The following MECOM variants were observed in gnomAD, a reference collection of about 807,000 sequenced individuals.
MECOM encodes the protein MDS1 and EVI1 complex locus.
A neutral mutation model predicts 116.3 loss-of-function variants in MECOM; 13 were observed. That is an observed-to-expected ratio of 0.11 (90% CI 0.07 to 0.18). MECOM has a LOEUF of 0.18. Among genes scored for constraint, MECOM ranks in the 10% least tolerant of loss-of-function variants. The pLI, the probability that MECOM is intolerant of heterozygous loss-of-function variation, is 1.00. For missense variants in MECOM, 1,299 were observed against 1,509.0 expected, an observed-to-expected ratio of 0.86 and a Z score of 2.31; for synonymous variants, 528 against 535.2, an observed-to-expected ratio of 0.99 and a Z score of 0.19.
chr3:169,313,782 G>A (rs1180468624), intron 2 of MECOM, among the ~76,000 whole-genome samples: 1 of 152,204 alleles, frequency 6.6e-6, no homozygotes, highest in Non-Finnish European at 1.5e-5. Context: ...CAGAGGAAGA[G>A]TAGGTGGAGA....
chr3:169,241,438 A>T (rs958164042), intron 2 of MECOM, among the ~76,000 whole-genome samples: 1 of 152,200 alleles, frequency 6.6e-6, no homozygotes, highest in African/African-American at 2.4e-5. Flanking sequence ...ATTTCACCTT[A>T]ACATACATCA....
chr3:169,129,393 T>C (rs1733948598), intron 4 of MECOM, among the ~76,000 whole-genome samples: 3 of 100,044 alleles, frequency 3.0e-5, no homozygotes, highest in Non-Finnish European at 6.1e-5. Flanking sequence ...CAGGGATATA[T>C]TCAGACTTGG....
chr3:169,600,746 A>G (rs1396159700), intron 1 of MECOM, among the ~76,000 whole-genome samples: 1 of 152,236 alleles, frequency 6.6e-6, no homozygotes, highest in African/African-American at 2.4e-5. Flanking sequence ...TCCTTTAAAA[A>G]GTATGGCCAC....
rs375293876 is a variant in MECOM at position 169,473,995 on chromosome 3, A to G, written c.38-92471T>C. Among the ~76,000 whole-genome samples the G allele has an allele frequency of 1.4e-4, 22 of 152,278 alleles. No individual in the cohort carries two copies. The South Asian group carries it at 4.6e-3, about 32-fold the overall frequency. On this transcript the variant is annotated intron_variant, in intron 1 of 16. Coordinates refer to ENST00000651503, the MANE Select transcript of MECOM (RefSeq NM_004991.4). ...TTTCCTCCCTTTTCCTATGAGCACG[A>G]CTCAACAGGACAGATTGGGTCAGTA... is the stretch of plus-strand genomic sequence containing the variant.
intron 2 of MECOM, among the ~76,000 whole-genome samples, chr3:169,329,898 C>A (rs1440372589): frequency 6.6e-6 from 1 of 152,196 alleles, no homozygotes; most frequent in Non-Finnish European, 1.5e-5. Flanking sequence ...GAGAAGTAAG[C>A]AGATTACCAT....
chr3:169,341,165 T>G (rs1366290875), intron 2 of MECOM, among the ~76,000 whole-genome samples: 1 of 152,174 alleles, frequency 6.6e-6, no homozygotes, highest in Admixed American at 6.5e-5. Context: ...TACCAATTTG[T>G]TATTTAAATA....
At chr3:169,098,817 C>T (rs1722577996) in intron 12 of MECOM, among the ~76,000 whole-genome samples, 1 of 152,008 alleles carries the variant, frequency 6.6e-6, no homozygotes, top group Non-Finnish European at 1.5e-5. Flanking sequence ...CATGAGCCAC[C>T]ACACTTGGCC....
chr3:169,392,193 G>A (rs1270063662), intron 1 of MECOM, among the ~76,000 whole-genome samples: 1 of 152,114 alleles, frequency 6.6e-6, no homozygotes, highest in African/African-American at 2.4e-5. Flanking sequence ...ACCAGCTAGT[G>A]CCAGTAAACT....
chr3:169,472,580 G>GAA (rs1749613671), intron 1 of MECOM, among the ~76,000 whole-genome samples: 18 of 59,074 alleles, frequency 3.0e-4, no homozygotes, highest in Non-Finnish European at 4.9e-4. Context: ...GAGGAGAGGA[G>GAA]AGGAAAGGAA....
intron 1 of MECOM, among the ~76,000 whole-genome samples, chr3:169,486,026 AG>A (rs1230513207): frequency 1.3e-4 from 16 of 123,710 alleles, no homozygotes; most frequent in South Asian, 4.9e-4. Flanking sequence ...ATGTATATAT[AG>A]TATATATATA....
At chr3:169,568,354 A>G (rs867301544) in intron 1 of MECOM, among the ~76,000 whole-genome samples, 2 of 152,078 alleles carry the variant, frequency 1.3e-5, no homozygotes, top group South Asian at 4.2e-4. Flanking sequence ...TGGCACCTGG[A>G]ACCTCCGAGA....
At chr3:169,314,213 T>C (rs1719321999) in intron 2 of MECOM, among the ~76,000 whole-genome samples, 1 of 152,244 alleles carries the variant, frequency 6.6e-6, no homozygotes, top group Non-Finnish European at 1.5e-5. Context: ...ACTGACCACT[T>C]CCTACGATGG....
chr3:169,618,921 A>G (rs1437191346), intron 1 of MECOM, among the ~76,000 whole-genome samples: 3 of 152,114 alleles, frequency 2.0e-5, no homozygotes, highest in South Asian at 2.1e-4. Context: ...TAGGCATTAT[A>G]CCTAAAAGCC....
At chr3:169,260,377 A>G (rs1237702810) in intron 2 of MECOM, among the ~76,000 whole-genome samples, 1 of 152,188 alleles carries the variant, frequency 6.6e-6, no homozygotes, top group African/African-American at 2.4e-5. Flanking sequence ...TTGTGCTTGC[A>G]TTAGAAATAG....
chr3:169,189,217 C>A (rs1261664636), intron 2 of MECOM, among the ~76,000 whole-genome samples: 10 of 151,996 alleles, frequency 6.6e-5, no homozygotes, highest in Non-Finnish European at 1.3e-4. Flanking sequence ...TGACATAAGT[C>A]CTTTACCTAA....
chr3:169,461,828 G>C (rs1271807416), intron 1 of MECOM, among the ~76,000 whole-genome samples: 1 of 152,154 alleles, frequency 6.6e-6, no homozygotes, highest in Non-Finnish European at 1.5e-5. Flanking sequence ...AAAGGCTTCA[G>C]CCAATTCCAA....
intron 2 of MECOM, among the ~76,000 whole-genome samples, chr3:169,331,996 T>C (rs1414019429): frequency 7.4e-6 from 1 of 135,224 alleles, no homozygotes; most frequent in Non-Finnish European, 1.5e-5. Context: ...AAAATGTTTC[T>C]TTTTTATTTA....
At chr3:169,147,692 C>T in intron 2 of MECOM, 1 of 984,504 alleles carries the variant, frequency 1.0e-6, no homozygotes, top group Non-Finnish European at 1.2e-6. Flanking sequence ...GCCTCCGTTT[C>T]GATGTCTTGA....
rs77474014 is a variant in MECOM, at chr3:169,442,674, C to A, written c.38-61150G>T. On this transcript the variant is annotated intron_variant, in intron 1 of 16. Coordinates refer to ENST00000651503, the MANE Select transcript of MECOM (RefSeq NM_004991.4). ...CATCAAAAGAGGCAAACAGGCAAAA[C>A]AAACAAATAAGAAGAGTTTTCTAAA... Among the ~76,000 whole-genome samples, 533 of 152,212 alleles carry A rather than the reference C, an allele frequency of 3.5e-3. 8 individuals carry two copies. The East Asian group carries it at 0.048, about 14-fold the overall frequency.
Sources: gnomAD v4.1 joint callset for allele counts (sites outside exome capture counted in the v4.1 genomes callset) on GRCh38, gnomAD v4.1.1 for gene constraint, MANE v1.5 for transcripts, NCBI Gene and HGNC (gene_info 2026-07-23, HGNC 2026-07-21) for gene names.